Variants in SMC3 observed in about 807,000 individuals in gnomAD.
The protein encoded by SMC3 is structural maintenance of chromosomes protein 3.
Under a neutral mutation model 171.8 loss-of-function variants are expected in SMC3, and 20 were observed. The ratio of observed to expected loss-of-function variants is 0.12; its 90% CI spans 0.08 to 0.17. The LOEUF is 0.17. Among genes scored for constraint, SMC3 ranks in the 10% least tolerant of loss-of-function variants. The probability of loss-of-function intolerance (pLI) is 1.00; values close to 1 mark genes in which losing one functional copy is unlikely to be tolerated. For missense variants in SMC3, 543 were observed against 1,420.4 expected, an observed-to-expected ratio of 0.38 and a Z score of 9.93; for synonymous variants, 464 against 451.1, an observed-to-expected ratio of 1.03 and a Z score of -0.36.
intron 1 of SMC3, 54 bp downstream of exon 1, chr10:110,567,885 G>T (rs1264458294): frequency 3.7e-6 from 6 of 1,606,702 alleles, no homozygotes; most frequent in Admixed American, 1.7e-5. Flanking sequence ...GCCGCTCCTT[G>T]AGGCGGGAGT....
intron 27 of SMC3, 66 bp downstream of exon 27, chr10:110,603,068 T>C: frequency 6.3e-7 from 1 of 1,576,848 alleles, no homozygotes; most frequent in Non-Finnish European, 8.7e-7. Flanking sequence ...CTGATGTATA[T>C]ATGAAAAAAT....
At position 110,578,718 on chromosome 10, in the gene SMC3, G is replaced by C. The variant is rs772517273; in HGVS notation, c.429+12G>C. ...TTAAACAAGGAAAGGTAAAACAATT[G>C]TATGTCCTTTTTAAGTAGAATTTGT... On this transcript the variant is annotated intron_variant, in intron 7 of 28. Coordinates refer to ENST00000361804, the MANE Select transcript of SMC3 (RefSeq NM_005445.4). The C allele has an allele frequency of 6.4e-7, 1 of 1,564,526 alleles. No homozygotes were observed. Among genetic ancestry groups the C allele is most frequent in the East Asian group, 2.2e-5 (1 of 44,486 alleles).
chr10:110,589,562 A>G, intron 13 of SMC3, 43 bp from the exon 14 acceptor site: 1 of 1,240,780 alleles, frequency 8.1e-7, no homozygotes, highest in Non-Finnish European at 1.2e-6. Flanking sequence ...AGTGTAGATT[A>G]GTTTCATGAA....
chr10:110,573,832 G>A, intron 3 of SMC3, 87 bp downstream of exon 3: 1 of 951,832 alleles, frequency 1.1e-6, no homozygotes, highest in Non-Finnish European at 1.7e-6. Flanking sequence ...CTGAGGTTAT[G>A]TATTCATGAA....
chr10:110,601,689 G>C lies in SMC3; in HGVS notation c.2697G>C (p.Lys899Asn). The C allele has an allele frequency of 6.2e-7, 1 of 1,612,774 alleles. No individual in the cohort carries two copies. Among genetic ancestry groups the C allele is most frequent in the Non-Finnish European group, 8.5e-7 (1 of 1,179,300 alleles). ...AAGCTGGAATTAAGGAGCTTCAGAA[G>C]AGTATGGAGCGCTGGAAAAATATGG... ...KTEAGIKELQ[K>N]SMERWKNMEK... is the part of the protein sequence containing the mutation. Residue 899 changes from lysine (K) to asparagine (N), a missense_variant, in exon 24 of 29, where the codon AAG (lysine) becomes AAC (asparagine). Transcript: ENST00000361804.
chr10:110,595,255 C>G (rs1223463363), intron 18 of SMC3, among the ~76,000 whole-genome samples: 1 of 148,880 alleles, frequency 6.7e-6, no homozygotes, highest in Non-Finnish European at 1.5e-5. Context: ...GCTGGGATTA[C>G]AGGCATGACC....
chr10:110,567,789 T>G lies in SMC3; in HGVS notation c.-28T>G. The G allele has an allele frequency of 6.2e-7, 1 of 1,613,242 alleles. No homozygotes were observed. ...CGTGCGGTTGCTGCTCCGGGGCAGG[T>G]CTCCTTCCAGGCCAGGGGCCCGGAA... On this transcript the variant is annotated 5_prime_UTR_variant, in exon 1 of 29. Transcript: ENST00000361804.
chr10:110,591,318 T>A (rs191237294), intron 17 of SMC3, among the ~76,000 whole-genome samples, 186 bp downstream of exon 17: 1 of 152,072 alleles, frequency 6.6e-6, no homozygotes, highest in Non-Finnish European at 1.5e-5. Flanking sequence ...GTCACAGCTA[T>A]GATTGGTGTG....
rs1431841938 is a variant in SMC3, at chr10:110,569,092, A to C, written c.91+79A>C. 5.5e-6 allele frequency: 5 copies of C among 909,878 alleles called. No individual in the cohort carries two copies. In the Admixed American group the frequency reaches 8.7e-5, roughly 16 times the overall value. 56.4% of individuals were successfully genotyped at this position (909,878 alleles called of 1,614,324 possible). A position where few individuals can be genotyped will look rare whatever the true frequency, so the allele number is the denominator to read the frequency against. On this transcript the variant is annotated intron_variant, in intron 2 of 28. Coordinates refer to ENST00000361804, the MANE Select transcript of SMC3 (RefSeq NM_005445.4). ...ATTCTGTCCATTTCTATATTGGCTT[A>C]AGGAGACAGGAATTGTCTTTGAATA... is the stretch of plus-strand genomic sequence containing the variant.
At chr10:110,578,798 T>G (rs948825080) in intron 7 of SMC3, 92 bp downstream of exon 7, 17 of 981,790 alleles carry the variant, frequency 1.7e-5, no homozygotes, top group Middle Eastern at 3.1e-4. Flanking sequence ...GTGGTTAAGC[T>G]GAAGCAAAAA....
At chr10:110,583,650 A>T in intron 11 of SMC3, 102 bp downstream of exon 11, 1 of 1,326,666 alleles carries the variant, frequency 7.5e-7, no homozygotes. Context: ...ATTTTTTTTT[A>T]AGCTTTGCTA....
chr10:110,577,837 C>T lies in SMC3; in HGVS notation c.273C>T (p.Ile91=), dbSNP rs769614864. The part of the protein sequence containing the change: ...IFDNSDNRLP[I]DKEEVSLRRV... ...TGGGCTTTTACATTTTTTCTTAGATCGATAAAGAGGAAGTTTCACTTCGAA... is the reference window on the plus strand; with the variant it reads ...TGGGCTTTTACATTTTTTCTTAGATTGATAAAGAGGAAGTTTCACTTCGAA... Residue 91 remains isoleucine, a splice_region_variant and synonymous_variant, in exon 6 of 29, where the codon ATC becomes ATT. Transcript: ENST00000361804. 2.5e-5 allele frequency: 40 copies of T among 1,605,466 alleles called. No homozygotes were observed. The highest frequency in any genetic ancestry group is 1.6e-4 in the Middle Eastern group (1 of 6,068).
chr10:110,605,249 CTT>C lies in SMC3; in HGVS notation c.*950_*951del. On this transcript the variant is annotated 3_prime_UTR_variant, in exon 29 of 29. Transcript: ENST00000361804. ...CATTTTTTTCCCTTTCCATACTACT[CTT>C]TTCTTTGAAAGTAGGTCTTTAAGCA... Among the ~76,000 whole-genome samples the C allele has an allele frequency of 6.6e-6, 1 of 152,240 alleles. No individual in the cohort carries two copies. The highest frequency in any genetic ancestry group is 1.9e-4 in the East Asian group (1 of 5,188).
intron 13 of SMC3, among the ~76,000 whole-genome samples, chr10:110,584,865 T>G (rs1861085293): frequency 6.6e-6 from 1 of 152,200 alleles, no homozygotes; most frequent in African/African-American, 2.4e-5. Flanking sequence ...GCTTAAGCAA[T>G]CCTCCGACCT....
rs556379390 is a variant in SMC3 at position 110,595,764 on chromosome 10, T to C, written c.1964-634T>C. Among the ~76,000 whole-genome samples, 3 of 152,234 alleles carry C rather than the reference T, an allele frequency of 2.0e-5. No individual in the cohort carries two copies. The South Asian group carries it at 6.2e-4, about 32-fold the overall frequency. Reference sequence around the variant, plus strand: ...CATGAATTTTTTTTTTTTAATTCAATATGTTATTACATTGGTATTGTTATT... The same window carrying C: ...CATGAATTTTTTTTTTTTAATTCAACATGTTATTACATTGGTATTGTTATT... On this transcript the variant is annotated intron_variant, in intron 18 of 28. Transcript: ENST00000361804.
At chr10:110,571,910 C>A (rs1860879007) in intron 2 of SMC3, among the ~76,000 whole-genome samples, 1 of 152,088 alleles carries the variant, frequency 6.6e-6, no homozygotes, top group South Asian at 2.1e-4. Flanking sequence ...TATTCAGCAT[C>A]CTTTAAAATT....
At chr10:110,582,415 T>C in intron 9 of SMC3, 147 bp from the exon 10 acceptor site, 1 of 681,682 alleles carries the variant, frequency 1.5e-6, no homozygotes, top group South Asian at 2.0e-5. Context: ...GCTTCAGTTT[T>C]CTAGTTTAAA....
Position 110,598,167 on chromosome 10 carries a change from G to A in SMC3, c.2145G>A (p.Met715Ile). 6.2e-7 allele frequency: 1 copy of A among 1,613,800 alleles called. No homozygotes were observed. Among genetic ancestry groups the A allele is most frequent in the Non-Finnish European group, 8.5e-7 (1 of 1,179,890 alleles). The change falls in exon 20 of 29, where the codon ATG (methionine) becomes ATA (isoleucine). Residue 715 changes from methionine (M) to isoleucine (I), a missense_variant. Met to Ile is a conservative substitution (Grantham distance 10, BLOSUM62 1). This residue lies in a region of SMC3 where 218 missense variants were observed against 509.6 expected (regional missense o/e 0.43). Coordinates refer to ENST00000361804, the MANE Select transcript of SMC3 (RefSeq NM_005445.4). ...ERINNEIDQL[M>I]NQMQQIETQQ... ...TTAATAATGAAATTGATCAGTTGAT[G>A]AACCAAATGCAACAGATCGAGACCC...
chr10:110,570,755 C>T (rs931946097), intron 2 of SMC3, among the ~76,000 whole-genome samples: 1 of 152,066 alleles, frequency 6.6e-6, no homozygotes, highest in African/African-American at 2.4e-5. Context: ...GTTGTGTTAC[C>T]TCTGTGATTG....
Sources: allele counts gnomAD v4.1 joint callset (sites outside exome capture counted in the v4.1 genomes callset), GRCh38; gene constraint gnomAD v4.1.1; regional missense constraint gnomAD v4.1.1; transcripts MANE v1.5; gene names NCBI Gene and HGNC (gene_info 2026-07-23, HGNC 2026-07-21).